The following PLCG2 variants were observed in gnomAD, a reference collection of about 807,000 sequenced individuals.
The protein encoded by PLCG2 is 1-phosphatidylinositol 4,5-bisphosphate phosphodiesterase gamma-2.
In PLCG2, 69 loss-of-function variants were observed where a neutral mutation model predicts 175.6. That is an observed-to-expected ratio of 0.39 (90% CI 0.32 to 0.48). The LOEUF (loss-of-function observed/expected upper bound fraction) is 0.48, where lower values mean the gene tolerates loss of function less well. Ranked by LOEUF, PLCG2 falls within the 20% of genes least tolerant of loss-of-function variation. The pLI is 0.91. For synonymous variants in PLCG2, 827 were observed against 624.0 expected (o/e 1.33, Z -4.85); for missense variants, 1,798 against 1,650.9 (o/e 1.09, Z -1.54).
At chr16:81,807,490 A>G (rs1371318301) in intron 2 of PLCG2, among the ~76,000 whole-genome samples, 1 of 152,222 alleles carries the variant, frequency 6.6e-6, no homozygotes, top group Admixed American at 6.5e-5. Flanking sequence ...CATCATTGTC[A>G]TCACTGTCAC....
chr16:81,924,598 T>G (rs577190379), intron 22 of PLCG2, among the ~76,000 whole-genome samples: 74 of 152,356 alleles, frequency 4.9e-4, no homozygotes, highest in Middle Eastern at 3.4e-3. Context: ...CTTAACTCCA[T>G]TCATCTGCTA....
At chr16:81,884,717 T>TA (rs1488139595) in intron 9 of PLCG2, among the ~76,000 whole-genome samples, 3 of 152,116 alleles carry the variant, frequency 2.0e-5, no homozygotes, top group African/African-American at 7.3e-5. Flanking sequence ...TGTTTTTTTT[T>TA]AAATAGAGTT....
In PLCG2 at chr16:81,869,158, A is replaced by G. The variant is rs56070867; in HGVS notation, c.480-56A>G. Reference sequence around the variant, plus strand: ...GGTGGGAACTGATGGGAGCAGCTAAATCCTGTGCTGTTGAAAACCCTCAAG... The same window carrying G: ...GGTGGGAACTGATGGGAGCAGCTAAGTCCTGTGCTGTTGAAAACCCTCAAG... On this transcript the variant is annotated intron_variant, in intron 5 of 32. Coordinates refer to ENST00000564138, the MANE Select transcript of PLCG2 (RefSeq NM_002661.5). 0.083 allele frequency: 110,924 copies of G among 1,344,050 alleles called. 5,072 individuals are homozygous for G. The highest frequency in any genetic ancestry group is 0.16 in the Middle Eastern group (873 of 5,572). The allele number at this position is 1,344,050 out of a possible 1,614,324, so 83.3% of individuals were successfully genotyped here.
chr16:81,783,518 G>T (rs942283866), intron 1 of PLCG2, among the ~76,000 whole-genome samples: 2 of 152,190 alleles, frequency 1.3e-5, no homozygotes, highest in African/African-American at 4.8e-5. Flanking sequence ...GCTGCCACAG[G>T]ATTCTGGACT....
chr16:81,785,732 C>A, intron 1 of PLCG2: 1 of 378,254 alleles, frequency 2.6e-6, no homozygotes, highest in East Asian at 5.5e-5. Context: ...TCCTTGAGGT[C>A]AGGGGCTCTT....
chr16:81,866,928 G>T (rs932903134), intron 5 of PLCG2, among the ~76,000 whole-genome samples: 1 of 152,228 alleles, frequency 6.6e-6, no homozygotes, highest in Non-Finnish European at 1.5e-5. Flanking sequence ...GCAAGCCCCT[G>T]GGGCAACTTC....
upstream of PLCG2, among the ~76,000 whole-genome samples, chr16:81,775,306 T>C (rs958553734): frequency 6.6e-6 from 1 of 152,170 alleles, no homozygotes; most frequent in Admixed American, 6.5e-5. Flanking sequence ...TTGCTAATTC[T>C]GCATATGCTA....
chr16:81,938,561 A>G (rs545887680), intron 28 of PLCG2: 28 of 543,168 alleles, frequency 5.2e-5, no homozygotes, highest in African/African-American at 5.1e-4. Context: ...GGTGAGTTTT[A>G]CCTGTTGAGT....
At chr16:81,884,810 C>T (rs1488780860) in intron 9 of PLCG2, among the ~76,000 whole-genome samples, 1 of 151,998 alleles carries the variant, frequency 6.6e-6, no homozygotes, top group Non-Finnish European at 1.5e-5. Flanking sequence ...ACATTTCAAA[C>T]ATACACAAAA....
At chr16:81,867,886 A>C (rs1032672072) in intron 5 of PLCG2, among the ~76,000 whole-genome samples, 2 of 152,006 alleles carry the variant, frequency 1.3e-5, no homozygotes, top group African/African-American at 4.8e-5. Context: ...TTTTTAGTAG[A>C]GACGGGGTTT....
intron 31 of PLCG2, among the ~76,000 whole-genome samples, chr16:81,952,233 T>C (rs1911395034): frequency 6.6e-6 from 1 of 152,004 alleles, no homozygotes; most frequent in Admixed American, 6.6e-5. Context: ...GAATTGGAGG[T>C]ATCAATATAA....
chr16:81,806,269 G>A (rs916693254), intron 2 of PLCG2, among the ~76,000 whole-genome samples: 1 of 152,016 alleles, frequency 6.6e-6, no homozygotes, highest in East Asian at 1.9e-4. Flanking sequence ...TGCTTCCGTG[G>A]TCCCCAAGCA....
chr16:81,912,827 C>G (rs543719854), intron 19 of PLCG2, 111 bp downstream of exon 19: 6 of 1,295,968 alleles, frequency 4.6e-6, no homozygotes, highest in Non-Finnish European at 6.2e-6. Context: ...CCCTGCCCCC[C>G]CAGCATCAGC....
chr16:81,776,105 C>CTTT (rs58511277), upstream of PLCG2, among the ~76,000 whole-genome samples: 4 of 46,962 alleles, frequency 8.5e-5, no homozygotes, highest in Admixed American at 2.6e-4. Context: ...TTCTTTTTTT[C>CTTT]CTTCTTTCTT....
chr16:81,938,061 C>G lies in PLCG2; in HGVS notation c.3198+158C>G, dbSNP rs149796811. ...AGTGTTTGAGGATCTTTCTTTCTTA[C>G]AGTACACTCCGGGGTCGTTCTGGGA... On this transcript the variant is annotated intron_variant, in intron 28 of 32. Transcript: ENST00000564138. Among the ~76,000 whole-genome samples the G allele has an allele frequency of 2.7e-3, 409 of 152,240 alleles. 2 individuals are homozygous for G. The highest frequency in any genetic ancestry group is 9.3e-3 in the African/African-American group (386 of 41,542).
chr16:81,756,585 G>A (rs796876095), intron 2 of PLCG2, among the ~76,000 whole-genome samples: 6 of 152,310 alleles, frequency 3.9e-5, no homozygotes, highest in African/African-American at 1.4e-4. Flanking sequence ...GACAGGGGAG[G>A]CCAGGCACAG....
intron 1 of PLCG2, among the ~76,000 whole-genome samples, chr16:81,741,561 G>T (rs1228558298): frequency 6.6e-6 from 1 of 152,178 alleles, no homozygotes; most frequent in South Asian, 2.1e-4. Context: ...TTTGATCCCA[G>T]CCCTTTGGGA....
intron 1 of PLCG2, among the ~76,000 whole-genome samples, chr16:81,781,681 T>C (rs1409794372): frequency 6.6e-6 from 1 of 152,190 alleles, no homozygotes; most frequent in Non-Finnish European, 1.5e-5. Context: ...GCAGCAGTAA[T>C]GTCCCTTGAA....
chr16:81,867,381 CCTT>C (rs1172695562), intron 5 of PLCG2, among the ~76,000 whole-genome samples: 2 of 152,198 alleles, frequency 1.3e-5, no homozygotes, highest in Non-Finnish European at 2.9e-5. Context: ...TTTCACTTCT[CCTT>C]CTTGTGTGAG....
Sources: gnomAD v4.1 joint callset for allele counts (sites outside exome capture counted in the v4.1 genomes callset) on GRCh38, gnomAD v4.1.1 for gene constraint, MANE v1.5 for transcripts, NCBI Gene and HGNC (gene_info 2026-07-23, HGNC 2026-07-21) for gene names.